PRICKLE2: variants seen among roughly 807,000 people sequenced by gnomAD.
The protein encoded by PRICKLE2 is prickle-like protein 2.
Under a neutral mutation model 81.4 loss-of-function variants are expected in PRICKLE2, and 21 were observed. The ratio of observed to expected loss-of-function variants is 0.26; its 90% CI spans 0.18 to 0.37. The LOEUF is 0.37. Among genes scored for constraint, PRICKLE2 ranks in the 10% least tolerant of loss-of-function variants. The pLI is 1.00. For synonymous variants in PRICKLE2, 456 were observed against 421.5 expected (o/e 1.08, Z -1.00); for missense variants, 940 against 1,109.0 (o/e 0.85, Z 2.16).
chr3:64,226,466 T>C (rs2079033672), upstream of PRICKLE2, among the ~76,000 whole-genome samples: 1 of 152,214 alleles, frequency 6.6e-6, no homozygotes, highest in Non-Finnish European at 1.5e-5. Context: ...TACCATTCAC[T>C]CATTCAATAA....
intron 2 of PRICKLE2, among the ~76,000 whole-genome samples, chr3:64,181,524 C>T (rs1290807155): frequency 1.3e-5 from 2 of 152,044 alleles, no homozygotes; most frequent in African/African-American, 4.8e-5. Context: ...TCTTTGTTGC[C>T]TATAGCATGC....
At chr3:64,107,707 C>T (rs777688217) in intron 7 of PRICKLE2, among the ~76,000 whole-genome samples, 4 of 152,164 alleles carry the variant, frequency 2.6e-5, no homozygotes, top group Non-Finnish European at 4.4e-5. Flanking sequence ...ATTAGCCAGG[C>T]ATAGTGGTGT....
At chr3:64,240,765 T>C (rs1425260156) in intron 2 of PRICKLE2, among the ~76,000 whole-genome samples, 2 of 152,164 alleles carry the variant, frequency 1.3e-5, no homozygotes, top group African/African-American at 4.8e-5. Flanking sequence ...ACCTACAGAA[T>C]CTGTAACTCT....
chr3:64,224,833 C>G (rs1468291055), intron 1 of PRICKLE2, 77 bp downstream of exon 1: 5 of 872,414 alleles, frequency 5.7e-6, no homozygotes, highest in Non-Finnish European at 6.9e-6. Flanking sequence ...TGCAAAGGCC[C>G]TAGATCTGGC....
chr3:64,237,992 A>G (rs2079207407), intron 2 of PRICKLE2, among the ~76,000 whole-genome samples: 1 of 152,108 alleles, frequency 6.6e-6, no homozygotes, highest in Non-Finnish European at 1.5e-5. Context: ...CTGCCTGAAG[A>G]CTGTCAACCC....
intron 2 of PRICKLE2, among the ~76,000 whole-genome samples, chr3:64,257,471 C>G (rs2107185946): frequency 6.6e-6 from 1 of 152,248 alleles, no homozygotes; most frequent in South Asian, 2.1e-4. Context: ...TTAAGGCAGT[C>G]AGGGAAGAAA....
intron 7 of PRICKLE2, among the ~76,000 whole-genome samples, chr3:64,131,387 T>G (rs1257372175): frequency 2.6e-5 from 4 of 152,252 alleles, no homozygotes; most frequent in Admixed American, 2.6e-4. Flanking sequence ...CTGCTCAGTC[T>G]TTCTTCTTAA....
intron 2 of PRICKLE2, among the ~76,000 whole-genome samples, chr3:64,242,163 C>T (rs760325887): frequency 1.3e-5 from 2 of 152,146 alleles, no homozygotes; most frequent in Non-Finnish European, 2.9e-5. Flanking sequence ...GCTTTTCTTT[C>T]CTCTTCTTCT....
intron 7 of PRICKLE2, among the ~76,000 whole-genome samples, chr3:64,129,131 T>C (rs1322599469): frequency 2.0e-5 from 3 of 152,146 alleles, no homozygotes. Context: ...CGTAAAATCA[T>C]CCAGGTTGAG....
intron 1 of PRICKLE2, among the ~76,000 whole-genome samples, chr3:64,221,528 C>G (rs1294133604): frequency 6.6e-6 from 1 of 151,852 alleles, no homozygotes; most frequent in Non-Finnish European, 1.5e-5. Flanking sequence ...AGCAAAGGGG[C>G]AAATGTCACT....
intron 7 of PRICKLE2, among the ~76,000 whole-genome samples, chr3:64,125,171 G>A (rs1227716682): frequency 6.6e-6 from 1 of 152,190 alleles, no homozygotes; most frequent in East Asian, 1.9e-4. Context: ...AATTAAGAGT[G>A]GAGCCTGAAG....
At chr3:64,144,219 ATTAAGAGCAAGG>A (rs1186381438) in intron 7 of PRICKLE2, among the ~76,000 whole-genome samples, 1 of 152,220 alleles carries the variant, frequency 6.6e-6, no homozygotes, top group Non-Finnish European at 1.5e-5. Context: ...GCCTGGTGTG[ATTAAGAGCAAGG>A]TTCTGAAATC....
At chr3:64,204,718 T>G (rs1311842426) in intron 1 of PRICKLE2, among the ~76,000 whole-genome samples, 1 of 152,146 alleles carries the variant, frequency 6.6e-6, no homozygotes, top group Non-Finnish European at 1.5e-5. Context: ...CGCCTTCCAC[T>G]TCTCATTTAT....
At chr3:64,167,547 A>G (rs1049043747) in intron 2 of PRICKLE2, among the ~76,000 whole-genome samples, 1 of 152,238 alleles carries the variant, frequency 6.6e-6, no homozygotes, top group African/African-American at 2.4e-5. Context: ...ACAGATCGCA[A>G]GCACTTTAGT....
chr3:64,197,649 G>A (rs924133989), intron 2 of PRICKLE2, among the ~76,000 whole-genome samples: 1 of 152,126 alleles, frequency 6.6e-6, no homozygotes, highest in African/African-American at 2.4e-5. Flanking sequence ...GCTAAATGAT[G>A]AGAACACATG....
intron 2 of PRICKLE2, among the ~76,000 whole-genome samples, chr3:64,178,995 C>CT (rs1234585198): frequency 6.8e-6 from 1 of 147,010 alleles, no homozygotes; most frequent in East Asian, 2.0e-4. Context: ...TTCTTTCTTT[C>CT]TTTCTTTCTT....
rs546067828 is a variant in PRICKLE2 at position 64,151,579 on chromosome 3, G to T, written c.787+1603C>A. ...AACAGGAAAAACAGAAATATGGATGGGAAGGGGTATTGTTGCCATGGGCTG... is the reference window on the plus strand; with the variant it reads ...AACAGGAAAAACAGAAATATGGATGTGAAGGGGTATTGTTGCCATGGGCTG... On this transcript the variant is annotated intron_variant, in intron 6 of 7. Transcript: ENST00000638394. Among the ~76,000 whole-genome samples, 3 of 152,280 alleles carry T rather than the reference G, an allele frequency of 2.0e-5. No individual in the cohort carries two copies. The East Asian group carries it at 5.8e-4, about 29-fold the overall frequency.
At chr3:64,112,963 C>A (rs1268268958) in intron 7 of PRICKLE2, among the ~76,000 whole-genome samples, 3 of 121,286 alleles carry the variant, frequency 2.5e-5, no homozygotes, top group Admixed American at 8.3e-5. Flanking sequence ...TGGATGGAGG[C>A]AAGACATAGA....
intron 2 of PRICKLE2, among the ~76,000 whole-genome samples, chr3:64,247,642 G>T (rs905692806): frequency 2.0e-5 from 3 of 152,162 alleles, no homozygotes; most frequent in African/African-American, 7.2e-5. Context: ...AAAAGAAGGA[G>T]TGCAAAGATT....
Sources: allele counts gnomAD v4.1 joint callset (sites outside exome capture counted in the v4.1 genomes callset), GRCh38; gene constraint gnomAD v4.1.1; transcripts MANE v1.5; gene names NCBI Gene and HGNC (gene_info 2026-07-23, HGNC 2026-07-21).